Variants in IGF1R observed in about 807,000 individuals in gnomAD.
The protein encoded by IGF1R is insulin like growth factor 1 receptor, also known as insulin-like growth factor 1 receptor.
In IGF1R, 44 loss-of-function variants were observed where a neutral mutation model predicts 144.6. The observed-to-expected ratio is 0.30, with a 90% CI of 0.24 to 0.39. The LOEUF (loss-of-function observed/expected upper bound fraction) is 0.39, where lower values mean the gene tolerates loss of function less well. Among genes scored for constraint, IGF1R ranks in the 10% least tolerant of loss-of-function variants. IGF1R has a pLI of 1.00. For synonymous variants in IGF1R, 795 were observed against 722.8 expected, an observed-to-expected ratio of 1.10 and a Z score of -1.60; for missense variants, 1,355 against 1,833.7, an observed-to-expected ratio of 0.74 and a Z score of 4.77.
chr15:98,732,934 G>T (rs2054526508), intron 2 of IGF1R, among the ~76,000 whole-genome samples: 1 of 152,170 alleles, frequency 6.6e-6, no homozygotes, highest in South Asian at 2.1e-4. Context: ...GGAGGGGTCA[G>T]TGGGACGACT....
chr15:98,883,580 AGTGT>A (rs1327827463), intron 2 of IGF1R, among the ~76,000 whole-genome samples: 3 of 152,162 alleles, frequency 2.0e-5, no homozygotes, highest in Non-Finnish European at 4.4e-5. Flanking sequence ...GATGGGGAGT[AGTGT>A]GTGTGAGAGG....
chr15:98,941,723 A>G (rs1226288858), intron 18 of IGF1R, among the ~76,000 whole-genome samples: 1 of 152,254 alleles, frequency 6.6e-6, no homozygotes, highest in Non-Finnish European at 1.5e-5. Flanking sequence ...GGCTCTTAGC[A>G]TAGCACAAGT....
intron 4 of IGF1R, among the ~76,000 whole-genome samples, chr15:98,897,665 C>T (rs1405739052): frequency 6.6e-6 from 1 of 152,230 alleles, no homozygotes; most frequent in Non-Finnish European, 1.5e-5. Context: ...TAACCTGGAA[C>T]TCCTAGTCTC....
intron 2 of IGF1R, among the ~76,000 whole-genome samples, chr15:98,813,829 T>A (rs919159377): frequency 6.6e-6 from 1 of 152,208 alleles, no homozygotes; most frequent in African/African-American, 2.4e-5. Flanking sequence ...AGAGTTGCCT[T>A]CTTGGATGAA....
At chr15:98,656,748 C>T (rs1191131246) in intron 1 of IGF1R, among the ~76,000 whole-genome samples, 1 of 146,634 alleles carries the variant, frequency 6.8e-6, no homozygotes, top group Non-Finnish European at 1.5e-5. Flanking sequence ...GTCTCTACTT[C>T]AGTAAGAGTT....
At chr15:98,904,147 G>A (rs886324296) in intron 5 of IGF1R, among the ~76,000 whole-genome samples, 2 of 151,094 alleles carry the variant, frequency 1.3e-5, no homozygotes, top group African/African-American at 4.9e-5. Flanking sequence ...CCGCCTCCGG[G>A]TTCACACCAT....
chr15:98,800,629 G>A (rs950295920), intron 2 of IGF1R, among the ~76,000 whole-genome samples: 2 of 151,284 alleles, frequency 1.3e-5, no homozygotes, highest in African/African-American at 4.8e-5. Flanking sequence ...TGCCCTCCCA[G>A]CCCTCCCTCC....
intron 2 of IGF1R, among the ~76,000 whole-genome samples, chr15:98,887,834 A>T (rs1162272506): frequency 6.6e-6 from 1 of 152,144 alleles, no homozygotes; most frequent in African/African-American, 2.4e-5. Flanking sequence ...CTCTCTGATC[A>T]TCATGTCCCT....
rs1236421280 is a variant in IGF1R at position 98,649,004 on chromosome 15, A to T, written c.-578A>T. On this transcript the variant is annotated 5_prime_UTR_variant, in exon 1 of 21. Coordinates refer to ENST00000650285, the MANE Select transcript of IGF1R (RefSeq NM_000875.5). ...GCTCGCCGCGGCGGCGGCGGCGCTG[A>T]GGGAGGAGGCGGCGGCGAGCGGAGC... is the stretch of plus-strand genomic sequence containing the variant. 1.4e-5 allele frequency: 3 copies of T among 212,296 alleles called. No individual in the cohort carries two copies. In the East Asian group the frequency reaches 2.0e-4, roughly 14 times the overall value. The allele number at this position is 212,296 out of a possible 1,614,324, so 13.2% of individuals were successfully genotyped here.
intron 2 of IGF1R, among the ~76,000 whole-genome samples, chr15:98,761,498 A>C (rs1201279045): frequency 1.3e-5 from 2 of 152,138 alleles, no homozygotes; most frequent in East Asian, 3.9e-4. Context: ...ACCTTCCGTA[A>C]TTTGCCTCCA....
Position 98,764,392 on chromosome 15 carries a change from A to G in IGF1R, c.640+56285A>G, listed in dbSNP as rs924574866. Among the ~76,000 whole-genome samples, 12 of 152,316 alleles carry G rather than the reference A, an allele frequency of 7.9e-5. No homozygotes were observed. The South Asian group carries it at 1.0e-3, about 13-fold the overall frequency. Reference sequence around the variant, plus strand: ...CAAGACAAGAAAGAGGGGAACTTTTAGAAATAAAAATTATGTGCTAAAATA... The same window carrying G: ...CAAGACAAGAAAGAGGGGAACTTTTGGAAATAAAAATTATGTGCTAAAATA... On this transcript the variant is annotated intron_variant, in intron 2 of 20. Transcript: ENST00000650285.
intron 10 of IGF1R, among the ~76,000 whole-genome samples, chr15:98,917,670 A>G (rs2015312509): frequency 6.6e-6 from 1 of 152,220 alleles, no homozygotes; most frequent in African/African-American, 2.4e-5. Flanking sequence ...GGAAATTTTG[A>G]TCCATGTCAC....
At chr15:98,824,550 C>G (rs1258471118) in intron 2 of IGF1R, among the ~76,000 whole-genome samples, 3 of 152,174 alleles carry the variant, frequency 2.0e-5, no homozygotes, top group African/African-American at 7.2e-5. Context: ...CAGCTTTCCC[C>G]CAGGACACCT....
chr15:98,935,193 C>T lies in IGF1R; in HGVS notation c.3187-123C>T, dbSNP rs2016095147. 1.0e-6 allele frequency: 1 copy of T among 952,458 alleles called. No homozygotes were observed. Among genetic ancestry groups the T allele is most frequent in the South Asian group, 1.4e-5 (1 of 71,832 alleles). The allele number at this position is 952,458 out of a possible 1,614,324, so 59.0% of individuals were successfully genotyped here. ...TCTGGATAGTTACCCCATTACCTCACTGCTACCTTCAGACCCCTGTGCTCA... is the reference window on the plus strand; with the variant it reads ...TCTGGATAGTTACCCCATTACCTCATTGCTACCTTCAGACCCCTGTGCTCA... On this transcript the variant is annotated intron_variant, in intron 16 of 20. Coordinates refer to ENST00000650285, the MANE Select transcript of IGF1R (RefSeq NM_000875.5). This position sits in a 1 kb window ranked among gnomAD's most constrained non-coding sequence, Gnocchi z 4.2.
At chr15:98,667,509 T>C (rs2052774161) in intron 1 of IGF1R, among the ~76,000 whole-genome samples, 2 of 152,244 alleles carry the variant, frequency 1.3e-5, no homozygotes, top group Non-Finnish European at 2.9e-5. Flanking sequence ...CTAGAGACCA[T>C]GGCACGCATG....
chr15:98,925,164 C>G lies in IGF1R; in HGVS notation c.2782+480C>G, dbSNP rs138566382. 2.9e-3 allele frequency among the ~76,000 whole-genome samples: 440 copies of G among 152,234 alleles called. 2 individuals carry two copies. The highest frequency in any genetic ancestry group is 0.01 in the African/African-American group (420 of 41,522). ...TCAGCCTGCTACAGGGCAGGAATCTCCACGGTAGCATCGCAGACCCTCCAC... is the reference window on the plus strand; with the variant it reads ...TCAGCCTGCTACAGGGCAGGAATCTGCACGGTAGCATCGCAGACCCTCCAC... On this transcript the variant is annotated intron_variant, in intron 13 of 20. Transcript: ENST00000650285.
At chr15:98,785,593 G>C (rs1407244108) in intron 2 of IGF1R, among the ~76,000 whole-genome samples, 2 of 152,196 alleles carry the variant, frequency 1.3e-5, no homozygotes, top group Non-Finnish European at 2.9e-5. Flanking sequence ...CAAAGGTTTT[G>C]TGGAACTTTT....
intron 10 of IGF1R, among the ~76,000 whole-genome samples, chr15:98,920,175 A>G (rs994283327): frequency 2.0e-5 from 3 of 152,324 alleles, no homozygotes; most frequent in African/African-American, 7.2e-5. Flanking sequence ...GAGTGGGGAA[A>G]GTTGGCAGTA....
intron 2 of IGF1R, among the ~76,000 whole-genome samples, chr15:98,878,684 A>AC (rs1291243433): frequency 0.038 from 4,610 of 120,974 alleles, 251 homozygotes; most frequent in East Asian, 0.12. Flanking sequence ...AAAAAAAAAA[A>AC]AAAAAAAAAA....
Sources: gnomAD v4.1 joint callset for allele counts (sites outside exome capture counted in the v4.1 genomes callset) on GRCh38, gnomAD v4.1.1 for gene constraint, Gnocchi (gnomAD v3.1) non-coding constraint, MANE v1.5 for transcripts, NCBI Gene and HGNC (gene_info 2026-07-23, HGNC 2026-07-21) for gene names.